The following ULK4 variants were observed in gnomAD, a reference collection of about 807,000 sequenced individuals.
The protein encoded by ULK4 is unc-51 like kinase 4, also known as inactive serine/threonine-protein kinase ULK4.
ULK4 carries 133 observed loss-of-function variants against 160.6 expected under a neutral mutation model. The observed-to-expected ratio is 0.83, with a 90% CI of 0.72 to 0.96. ULK4 has a LOEUF of 0.96. ULK4 is among the 40% of genes least tolerant of loss of function. ULK4 has a pLI of 0.00. For missense variants in ULK4, 1,580 were observed against 1,499.5 expected, an observed-to-expected ratio of 1.05 and a Z score of -0.89; for synonymous variants, 534 against 539.8, an observed-to-expected ratio of 0.99 and a Z score of 0.15.
chr3:41,767,786 A>AT (rs1383662417), intron 21 of ULK4, among the ~76,000 whole-genome samples: 2 of 152,160 alleles, frequency 1.3e-5, no homozygotes, highest in East Asian at 1.9e-4. Flanking sequence ...GGAAAGTGAG[A>AT]TTTTTTTCTC....
At chr3:41,840,664 G>A (rs533302510) in intron 17 of ULK4, among the ~76,000 whole-genome samples, 39 of 152,322 alleles carry the variant, frequency 2.6e-4, no homozygotes, top group African/African-American at 8.7e-4. Flanking sequence ...ACGGAGTCTC[G>A]CTCACTCAAT....
intron 17 of ULK4, among the ~76,000 whole-genome samples, chr3:41,848,110 T>C (rs543825477): frequency 6.6e-6 from 1 of 152,362 alleles, no homozygotes; most frequent in South Asian, 2.1e-4. Flanking sequence ...GTAATTGGCA[T>C]CTAACTCCTA....
At chr3:41,898,573 T>C (rs1698247251) in intron 13 of ULK4, 81 bp from the exon 14 acceptor site, 1 of 828,196 alleles carries the variant, frequency 1.2e-6, no homozygotes, top group Non-Finnish European at 1.9e-6. Context: ...TTATGTCAGA[T>C]AATAAATCAA....
At chr3:41,415,069 C>T (rs1230980800) in intron 34 of ULK4, among the ~76,000 whole-genome samples, 1 of 152,210 alleles carries the variant, frequency 6.6e-6, no homozygotes, top group African/African-American at 2.4e-5. Context: ...CCCTAATTAA[C>T]TTTCCTAAGG....
Position 41,705,275 on chromosome 3 carries a change from T to C in ULK4, c.2665A>G (p.Thr889Ala). The change falls in exon 26 of 37, where the codon ACG becomes GCG. Residue 889 changes from threonine (T) to alanine (A), a missense_variant. By Grantham distance (58) the Thr-to-Ala change is moderately conservative. Coordinates refer to ENST00000301831, the MANE Select transcript of ULK4 (RefSeq NM_017886.4). ...SHIKSVDSGE[T>A]NIDGAIGLTA... ...TCACCTATGGCTCCATCTATGTTCG[T>C]TTCTCCTGAGTCTACAGATTTAATA... is the stretch of plus-strand genomic sequence containing the variant. 1 of 1,613,374 alleles carries C rather than the reference T, an allele frequency of 6.2e-7. No homozygotes were observed. The highest frequency in any genetic ancestry group is 8.5e-7 in the Non-Finnish European group (1 of 1,179,688).
chr3:41,731,303 C>G (rs1459648447), intron 22 of ULK4, among the ~76,000 whole-genome samples: 1 of 151,872 alleles, frequency 6.6e-6, no homozygotes, highest in Non-Finnish European at 1.5e-5. Flanking sequence ...AAAACTCTTA[C>G]AAATATTAAG....
chr3:41,713,472 G>T (rs2037169537), intron 25 of ULK4, among the ~76,000 whole-genome samples: 1 of 152,134 alleles, frequency 6.6e-6, no homozygotes. Flanking sequence ...CACAGTTAAG[G>T]CCAACAAACA....
At chr3:41,438,926 T>A in intron 34 of ULK4, among the ~76,000 whole-genome samples, 1 of 150,988 alleles carries the variant, frequency 6.6e-6, no homozygotes, top group Non-Finnish European at 1.5e-5. Flanking sequence ...TCATTCCATA[T>A]GGTTAGCATA....
At chr3:41,266,375 C>G (rs2079033463) in intron 35 of ULK4, among the ~76,000 whole-genome samples, 1 of 152,200 alleles carries the variant, frequency 6.6e-6, no homozygotes, top group African/African-American at 2.4e-5. Context: ...AAGCCTCAGG[C>G]TGGCTGCAGA....
chr3:41,890,213 G>T (rs1697868591), intron 16 of ULK4, among the ~76,000 whole-genome samples: 1 of 152,110 alleles, frequency 6.6e-6, no homozygotes, highest in Admixed American at 6.5e-5. Context: ...TTAAAATGGT[G>T]AATTTTATGG....
At chr3:41,385,904 T>G (rs2081796934) in intron 35 of ULK4, among the ~76,000 whole-genome samples, 1 of 152,204 alleles carries the variant, frequency 6.6e-6, no homozygotes, top group Admixed American at 6.5e-5. Flanking sequence ...CTAAGCTGAC[T>G]TTCACATTGT....
chr3:41,706,834 A>AT (rs1559498612), intron 25 of ULK4, among the ~76,000 whole-genome samples: 10 of 124,842 alleles, frequency 8.0e-5, no homozygotes, highest in African/African-American at 4.1e-4. Flanking sequence ...TCTCAAAAAA[A>AT]AAAAAAAAAA....
intron 34 of ULK4, among the ~76,000 whole-genome samples, chr3:41,447,755 G>T (rs183077150): frequency 6.4e-4 from 97 of 152,270 alleles, no homozygotes; most frequent in African/African-American, 2.3e-3. Flanking sequence ...TGGGTCCCTG[G>T]TTAATGTCAT....
intron 27 of ULK4, among the ~76,000 whole-genome samples, chr3:41,696,046 T>C (rs1406025434): frequency 2.0e-5 from 3 of 152,170 alleles, no homozygotes; most frequent in African/African-American, 7.2e-5. Context: ...CGGACCGTGG[T>C]CTAGCAGTAG....
chr3:41,705,478 T>C (rs567038027), intron 25 of ULK4, among the ~76,000 whole-genome samples, 173 bp from the exon 26 acceptor site: 1 of 152,160 alleles, frequency 6.6e-6, no homozygotes, highest in Non-Finnish European at 1.5e-5. Flanking sequence ...TTAAATAATA[T>C]ACATAAAGTC....
At chr3:41,921,811 T>C (rs947444124) in intron 5 of ULK4, among the ~76,000 whole-genome samples, 9 of 152,200 alleles carry the variant, frequency 5.9e-5, no homozygotes, top group African/African-American at 2.2e-4. Context: ...GTATTCAGTC[T>C]GATAAAATCC....
chr3:41,620,734 C>T (rs749127360), intron 30 of ULK4, among the ~76,000 whole-genome samples: 1 of 152,140 alleles, frequency 6.6e-6, no homozygotes, highest in Non-Finnish European at 1.5e-5. Flanking sequence ...CTCACCACTC[C>T]TATTCAACAT....
At chr3:41,262,054 G>T (rs926282759) in intron 35 of ULK4, among the ~76,000 whole-genome samples, 1 of 152,154 alleles carries the variant, frequency 6.6e-6, no homozygotes, top group Admixed American at 6.5e-5. Flanking sequence ...GCCCAGATTG[G>T]GCAGCTCTCT....
intron 30 of ULK4, among the ~76,000 whole-genome samples, chr3:41,656,953 G>C (rs1261997128): frequency 6.6e-6 from 1 of 152,196 alleles, no homozygotes; most frequent in Non-Finnish European, 1.5e-5. Context: ...AGATACTGGA[G>C]TGTTGCTTTC....
Sources: allele counts gnomAD v4.1 joint callset (sites outside exome capture counted in the v4.1 genomes callset), GRCh38; gene constraint gnomAD v4.1.1; transcripts MANE v1.5; gene names NCBI Gene and HGNC (gene_info 2026-07-23, HGNC 2026-07-21).